Variants in BCO2 observed in about 807,000 individuals in gnomAD.
BCO2 encodes beta-carotene oxygenase 2, also known as carotenoid-cleaving dioxygenase, mitochondrial.
A neutral mutation model predicts 65.8 loss-of-function variants in BCO2; 56 were observed. The ratio of observed to expected loss-of-function variants is 0.85; its 90% confidence interval spans 0.69 to 1.06. The LOEUF (loss-of-function observed/expected upper bound fraction) is 1.06. BCO2 is among the 50% of genes least tolerant of loss of function. The pLI is 0.00. For synonymous variants in BCO2, 233 were observed against 242.3 expected (o/e 0.96, Z 0.36); for missense variants, 675 against 698.5 (o/e 0.97, Z 0.38).
intron 5 of BCO2, among the ~76,000 whole-genome samples, chr11:112,195,053 T>G (rs546384851): frequency 3.3e-5 from 5 of 152,334 alleles, no homozygotes; most frequent in Admixed American, 2.6e-4. Context: ...AAATCAATTT[T>G]ATAATAAATT....
intron 2 of BCO2, chr11:112,181,663 A>G (rs1357426113): frequency 1.1e-6 from 1 of 929,048 alleles, no homozygotes; most frequent in Non-Finnish European, 1.8e-6. Flanking sequence ...CCACTGGAGG[A>G]TCATTCACCA....
intron 5 of BCO2, among the ~76,000 whole-genome samples, chr11:112,195,856 G>A (rs1327011953): frequency 6.6e-6 from 1 of 152,182 alleles, no homozygotes; most frequent in African/African-American, 2.4e-5. Flanking sequence ...CATCTTCAGG[G>A]ATTCCGGTTT....
At chr11:112,211,586 G>T (rs959849313) in intron 8 of BCO2, among the ~76,000 whole-genome samples, 1 of 151,996 alleles carries the variant, frequency 6.6e-6, no homozygotes, top group Non-Finnish European at 1.5e-5. Flanking sequence ...CATCAGCAAT[G>T]CACAAGAGTT....
chr11:112,208,420 CT>C (rs56317720), intron 8 of BCO2, among the ~76,000 whole-genome samples: 21 of 142,976 alleles, frequency 1.5e-4, no homozygotes, highest in African/African-American at 3.1e-4. Flanking sequence ...TGTATATTGG[CT>C]TTTTTTTTTT....
chr11:112,181,007 C>T, intron 2 of BCO2: 1 of 1,412,774 alleles, frequency 7.1e-7, no homozygotes. Flanking sequence ...AGATTCTAAG[C>T]CTCCTGAAGG....
chr11:112,184,253 A>ATT lies in BCO2; in HGVS notation c.293+4787_293+4788dup, dbSNP rs1247050890. 4.7e-3 allele frequency among the ~76,000 whole-genome samples: 670 copies of ATT among 142,760 alleles called. 12 individuals are homozygous for ATT. The highest frequency in any genetic ancestry group is 0.016 in the African/African-American group (627 of 39,090). 93.7% of individuals were successfully genotyped at this position (142,760 alleles called of 152,430 possible). On this transcript the variant is annotated intron_variant, in intron 2 of 11. Transcript: ENST00000357685. ...AGAACCCTACAGTGGGGAATGAGGAATTTTTTTTTTTTTTTTTGAGACAGA... is the reference window on the plus strand; with the variant it reads ...AGAACCCTACAGTGGGGAATGAGGAATTTTTTTTTTTTTTTTTTTGAGACAGA...
At chr11:112,191,880 CTTTTTCT>C (rs1867401131) in intron 2 of BCO2, among the ~76,000 whole-genome samples, 1 of 152,078 alleles carries the variant, frequency 6.6e-6, no homozygotes, top group Admixed American at 6.5e-5. Context: ...TAAAGAAGGA[CTTTTTCT>C]TTTTTCTTTC....
At chr11:112,205,556 G>A (rs1381217251) in intron 8 of BCO2, among the ~76,000 whole-genome samples, 6 of 152,184 alleles carry the variant, frequency 3.9e-5, no homozygotes, top group African/African-American at 1.2e-4. Flanking sequence ...CTGGGAACAC[G>A]TGATCCTCCT....
intron 8 of BCO2, 77 bp downstream of exon 8, chr11:112,202,267 G>GTT: frequency 1.5e-6 from 2 of 1,305,616 alleles, no homozygotes; most frequent in African/African-American, 1.5e-5. Context: ...GGAATTACAT[G>GTT]TTTCTCTCTC....
At chr11:112,181,219 T>C in intron 2 of BCO2, 2 of 728,738 alleles carry the variant, frequency 2.7e-6, no homozygotes, top group Admixed American at 4.5e-5. Context: ...TCTCGCTCTG[T>C]CGCCCAGGCT....
chr11:112,199,429 C>G (rs1309557548), intron 5 of BCO2, among the ~76,000 whole-genome samples: 2 of 152,142 alleles, frequency 1.3e-5, no homozygotes, highest in East Asian at 3.8e-4. Flanking sequence ...TTAATGTTTC[C>G]TACGAATTAG....
chr11:112,189,427 A>G (rs1867305270), intron 2 of BCO2, among the ~76,000 whole-genome samples: 1 of 145,192 alleles, frequency 6.9e-6, no homozygotes, highest in African/African-American at 2.6e-5. Flanking sequence ...TTTTTTTGAG[A>G]CAGAGTCTCA....
intron 9 of BCO2, among the ~76,000 whole-genome samples, chr11:112,214,491 A>G (rs576476702): frequency 6.6e-6 from 1 of 152,346 alleles, no homozygotes; most frequent in Non-Finnish European, 1.5e-5. Flanking sequence ...GCACAGACCT[A>G]TCATTGTGTA....
At chr11:112,194,431 G>A in intron 4 of BCO2, 1 of 478,318 alleles carries the variant, frequency 2.1e-6, no homozygotes. Flanking sequence ...TTTATTCAGG[G>A]TGGTTTTGTT....
intron 7 of BCO2, among the ~76,000 whole-genome samples, chr11:112,201,315 T>G (rs1867726146): frequency 6.6e-6 from 1 of 151,912 alleles, no homozygotes; most frequent in Non-Finnish European, 1.5e-5. Context: ...ACCCAGCTAA[T>G]TTTTTTCTAT....
chr11:112,190,137 G>C (rs528130674), intron 2 of BCO2, among the ~76,000 whole-genome samples: 3 of 151,760 alleles, frequency 2.0e-5, no homozygotes, highest in Admixed American at 2.0e-4. Flanking sequence ...AAATTAAAAA[G>C]TAGCCAAGTG....
chr11:112,190,871 A>G (rs914739535), intron 2 of BCO2, among the ~76,000 whole-genome samples: 18 of 150,224 alleles, frequency 1.2e-4, no homozygotes, highest in South Asian at 8.3e-4. Flanking sequence ...AAAAAAAAAA[A>G]AAAAGAAAAG....
rs373632448 is a variant in BCO2, at chr11:112,216,207, T to C, written c.1516-13T>C. ...ACTTGCCTTTTATCAAATGCTTTTT[T>C]TGGGACTTGCAGGTTTGGAGAGAAG... On this transcript the variant is annotated splice_polypyrimidine_tract_variant and intron_variant, in intron 10 of 11. Transcript: ENST00000357685. 44 of 1,600,784 alleles carry C rather than the reference T, an allele frequency of 2.7e-5. No individual in the cohort carries two copies. Among genetic ancestry groups the C allele is most frequent in the African/African-American group, 5.4e-5 (4 of 74,670 alleles).
chr11:112,177,909 CTT>C (rs11460820), intron 1 of BCO2, among the ~76,000 whole-genome samples: 4 of 135,348 alleles, frequency 3.0e-5, no homozygotes, highest in African/African-American at 5.5e-5. Flanking sequence ...ATGGAATTTG[CTT>C]TTTTTTTTTT....
Sources: allele counts gnomAD v4.1 joint callset (sites outside exome capture counted in the v4.1 genomes callset), GRCh38; gene constraint gnomAD v4.1.1; transcripts MANE v1.5; gene names NCBI Gene and HGNC (gene_info 2026-07-23, HGNC 2026-07-21).